The following GRIK2 variants were observed in gnomAD, a reference collection of about 807,000 sequenced individuals.
The protein encoded by GRIK2 is glutamate ionotropic receptor kainate type subunit 2.
Under a neutral mutation model 100.3 loss-of-function variants are expected in GRIK2, and 32 were observed. The observed-to-expected ratio is 0.32, with a 90% confidence interval of 0.24 to 0.43. The LOEUF is 0.43. Among genes scored for constraint, GRIK2 ranks in the 20% least tolerant of loss-of-function variants. GRIK2 has a pLI of 1.00. For missense variants in GRIK2, 843 were observed against 1,114.9 expected (o/e 0.76, Z 3.47); for synonymous variants, 417 against 389.4 (o/e 1.07, Z -0.83).
chr6:101,918,896 GATAA>G (rs1037142385), intron 12 of GRIK2, among the ~76,000 whole-genome samples: 3 of 151,724 alleles, frequency 2.0e-5, no homozygotes, highest in Non-Finnish European at 3.0e-5. Context: ...GACAGTAGGT[GATAA>G]ATAGATATTT....
chr6:101,588,935 G>A (rs1482354566), intron 2 of GRIK2, among the ~76,000 whole-genome samples: 2 of 152,054 alleles, frequency 1.3e-5, no homozygotes, highest in African/African-American at 2.4e-5. Context: ...ACACAAAAAT[G>A]GCACAATGTA....
At chr6:102,001,240 C>A (rs1000857395) in intron 14 of GRIK2, among the ~76,000 whole-genome samples, 2 of 149,576 alleles carry the variant, frequency 1.3e-5, no homozygotes, top group Non-Finnish European at 3.0e-5. Flanking sequence ...GCAGAACGTG[C>A]ATGTTTGTTA....
At chr6:101,560,829 C>T (rs1204245145) in intron 2 of GRIK2, among the ~76,000 whole-genome samples, 1 of 152,114 alleles carries the variant, frequency 6.6e-6, no homozygotes, top group Non-Finnish European at 1.5e-5. Flanking sequence ...GCTAACAGTT[C>T]CAAACTTGCC....
At chr6:101,812,875 A>T (rs1383855076) in intron 9 of GRIK2, among the ~76,000 whole-genome samples, 1 of 152,050 alleles carries the variant, frequency 6.6e-6, no homozygotes, top group Non-Finnish European at 1.5e-5. Context: ...TGAGGACACA[A>T]ATAATTGAGA....
chr6:101,871,820 A>T (rs986679086), intron 11 of GRIK2, among the ~76,000 whole-genome samples: 1 of 151,950 alleles, frequency 6.6e-6, no homozygotes, highest in South Asian at 2.1e-4. Flanking sequence ...TGCTATTGTG[A>T]ATAGTTCTGT....
chr6:101,405,677 T>C (rs1386357446), intron 2 of GRIK2, among the ~76,000 whole-genome samples: 1 of 152,090 alleles, frequency 6.6e-6, no homozygotes, highest in Non-Finnish European at 1.5e-5. Flanking sequence ...TTCAATGTAG[T>C]AAGTCCCTTC....
chr6:101,611,866 A>G (rs1346213990), intron 2 of GRIK2, among the ~76,000 whole-genome samples: 1 of 151,832 alleles, frequency 6.6e-6, no homozygotes, highest in African/African-American at 2.4e-5. Context: ...CTTTTTAACC[A>G]GCATACATTT....
At chr6:101,786,172 C>G (rs1161359137) in intron 7 of GRIK2, among the ~76,000 whole-genome samples, 1 of 151,950 alleles carries the variant, frequency 6.6e-6, no homozygotes, top group East Asian at 1.9e-4. Flanking sequence ...TGTTCTACAA[C>G]TTTACTGAAT....
At chr6:102,005,550 T>A (rs770434847) in intron 14 of GRIK2, among the ~76,000 whole-genome samples, 1 of 152,056 alleles carries the variant, frequency 6.6e-6, no homozygotes, top group African/African-American at 2.4e-5. Flanking sequence ...CCTTCCTATA[T>A]AAATCTTTCC....
At chr6:101,979,729 C>T (rs934521525) in intron 14 of GRIK2, among the ~76,000 whole-genome samples, 5 of 151,832 alleles carry the variant, frequency 3.3e-5, no homozygotes, top group East Asian at 2.0e-4. Flanking sequence ...TAGAGGGACA[C>T]GAAAAAGTGT....
intron 7 of GRIK2, among the ~76,000 whole-genome samples, chr6:101,714,819 A>G (rs975374233): frequency 4.0e-5 from 6 of 151,770 alleles, no homozygotes; most frequent in Admixed American, 1.3e-4. Flanking sequence ...ATTTCAAATC[A>G]GAGGAATTAA....
intron 7 of GRIK2, among the ~76,000 whole-genome samples, chr6:101,789,749 A>G (rs1239577967): frequency 1.3e-5 from 2 of 152,176 alleles, no homozygotes; most frequent in African/African-American, 2.4e-5. Context: ...GAAGAAAGTC[A>G]TTGGTAGATT....
At chr6:101,497,834 G>A (rs952747768) in intron 2 of GRIK2, among the ~76,000 whole-genome samples, 4 of 151,726 alleles carry the variant, frequency 2.6e-5, no homozygotes, top group African/African-American at 9.7e-5. Flanking sequence ...CCAAATTAAT[G>A]TTAAGCATTC....
intron 7 of GRIK2, 32 bp from the exon 8 acceptor site, chr6:101,799,616 G>T (rs766866250): frequency 6.3e-7 from 1 of 1,578,448 alleles, no homozygotes; most frequent in South Asian, 1.1e-5. Flanking sequence ...AAGTTATATT[G>T]ACTATAAATT....
chr6:101,496,228 T>C (rs1424723229), intron 2 of GRIK2, among the ~76,000 whole-genome samples: 3 of 152,132 alleles, frequency 2.0e-5, no homozygotes, highest in African/African-American at 7.2e-5. Flanking sequence ...GTTACAGGCG[T>C]GAGCCACCAT....
chr6:102,007,405 A>C (rs1795297552), intron 14 of GRIK2, among the ~76,000 whole-genome samples: 1 of 152,144 alleles, frequency 6.6e-6, no homozygotes, highest in African/African-American at 2.4e-5. Flanking sequence ...TAAATATTTA[A>C]ATGCAGGGTT....
chr6:101,656,574 C>T (rs1198269323), intron 4 of GRIK2, among the ~76,000 whole-genome samples: 3 of 152,046 alleles, frequency 2.0e-5, no homozygotes, highest in African/African-American at 7.2e-5. Context: ...TTAAGGGCAA[C>T]AGTAAAGTAT....
Position 101,924,600 on chromosome 6 carries a change from G to T in GRIK2, c.1749-1G>T. The T allele has an allele frequency of 6.8e-7, 1 of 1,459,868 alleles. No individual in the cohort carries two copies. Among genetic ancestry groups the T allele is most frequent in the Non-Finnish European group, 9.6e-7 (1 of 1,040,056 alleles). 90.4% of individuals were successfully genotyped at this position (1,459,868 alleles called of 1,614,324 possible). On this transcript the variant is annotated splice_acceptor_variant, in intron 12 of 16. Transcript: ENST00000369134. LOFTEE classifies it high-confidence loss of function. Reference sequence around the variant, plus strand: ...ATTCTTTTTTCTGTCAATTACCACAGGTTTAGTCCTTATGAGTGGTATAAT... The same window carrying T: ...ATTCTTTTTTCTGTCAATTACCACATGTTTAGTCCTTATGAGTGGTATAAT...
chr6:101,601,025 A>T (rs2128310003), intron 2 of GRIK2, among the ~76,000 whole-genome samples: 1 of 151,782 alleles, frequency 6.6e-6, no homozygotes, highest in Non-Finnish European at 1.5e-5. Flanking sequence ...GGAATGGTTC[A>T]AACTTTTGCC....
Sources: allele counts gnomAD v4.1 joint callset (sites outside exome capture counted in the v4.1 genomes callset), GRCh38; gene constraint gnomAD v4.1.1; transcripts MANE v1.5; gene names NCBI Gene and HGNC (gene_info 2026-07-23, HGNC 2026-07-21).